TSEN54: variants seen among roughly 807,000 people sequenced by gnomAD.
TSEN54 encodes the protein tRNA-splicing endonuclease subunit Sen54.
TSEN54 carries 55 observed loss-of-function variants against 61.9 expected under a neutral mutation model. The ratio of observed to expected loss-of-function variants is 0.89; its 90% CI spans 0.72 to 1.11. The LOEUF is 1.11. Among genes scored for constraint, TSEN54 ranks in the 50% most tolerant of loss-of-function variants. The pLI is 0.00. For missense variants in TSEN54, 760 were observed against 687.7 expected (o/e 1.11, Z -1.18); for synonymous variants, 304 against 288.7 (o/e 1.05, Z -0.54).
chr17:75,523,891 G>A, intron 10 of TSEN54, 112 bp downstream of exon 10: 1 of 1,257,666 alleles, frequency 8.0e-7, no homozygotes, highest in South Asian at 1.3e-5. Flanking sequence ...GAGAGGAACA[G>A]GAGGTCCAGA....
chr17:75,516,924 G>T lies in TSEN54; in HGVS notation c.221+14G>T. On this transcript the variant is annotated intron_variant, in intron 2 of 10. Coordinates refer to ENST00000333213, the MANE Select transcript of TSEN54 (RefSeq NM_207346.3). ...CGTGGAGCGCCTGTGAGAGGGGCGG[G>T]CCCAGGGGTAAGGGAAGCGGGGGCG... The T allele has an allele frequency of 6.5e-7, 1 of 1,544,080 alleles. No homozygotes were observed. The highest frequency in any genetic ancestry group is 8.7e-7 in the Non-Finnish European group (1 of 1,146,176).
At chr17:75,517,685 C>T (rs1052960357) in intron 5 of TSEN54, 30 bp downstream of exon 5, 3 of 1,561,936 alleles carry the variant, frequency 1.9e-6, no homozygotes, top group Admixed American at 1.7e-5. Flanking sequence ...CTCCGGGAGC[C>T]ACCCATCCAC....
intron 6 of TSEN54, 127 bp from the exon 7 acceptor site, chr17:75,521,282 T>C: frequency 2.5e-6 from 2 of 805,614 alleles, no homozygotes; most frequent in South Asian, 2.9e-5. Flanking sequence ...CTTAGGGCCT[T>C]AGCACTTGGG....
Position 75,522,178 on chromosome 17 carries a change from T to G in TSEN54, c.1097T>G (p.Val366Gly), listed in dbSNP as rs1390982969. The change falls in exon 8 of 11, where the codon GTC becomes GGC. Residue 366 changes from valine (V) to glycine (G), a missense_variant. Around this residue, in one of 3 missense-constraint regions of TSEN54, gnomAD observed 667 missense variants for 577.8 expected, o/e 1.15. Transcript: ENST00000333213. ...HAEAAQFQED[V>G]NADPEVQRCS... The stretch of plus-strand genomic sequence containing the variant: ...GAGGCCGCGCAGTTCCAGGAAGATG[T>G]CAACGCCGATCCCGAGGTGCAGCGG... 2 of 1,550,064 alleles carry G rather than the reference T, an allele frequency of 1.3e-6. No homozygotes were observed. Among genetic ancestry groups the G allele is most frequent in the African/African-American group, 2.7e-5 (2 of 73,014 alleles).
At chr17:75,518,830 A>G in intron 5 of TSEN54, 165 bp from the exon 6 acceptor site, 1 of 985,270 alleles carries the variant, frequency 1.0e-6, no homozygotes. Flanking sequence ...ATCTTTAGGG[A>G]TGGTGTTCGT....
chr17:75,522,911 TG>T (rs2053443797), intron 8 of TSEN54: 1 of 335,592 alleles, frequency 3.0e-6, no homozygotes, highest in African/African-American at 2.1e-5. Flanking sequence ...CTGGACACGG[TG>T]GCTCATACCC....
intron 5 of TSEN54, among the ~76,000 whole-genome samples, chr17:75,518,006 T>G (rs1017140396): frequency 2.6e-5 from 4 of 152,166 alleles, no homozygotes; most frequent in African/African-American, 9.7e-5. Flanking sequence ...GCCAATGGAT[T>G]GGATGTCAGG....
chr17:75,523,393 AG>A, intron 9 of TSEN54, 58 bp downstream of exon 9: 1 of 1,613,068 alleles, frequency 6.2e-7, no homozygotes, highest in Non-Finnish European at 8.5e-7. Flanking sequence ...GTTGGTGGTT[AG>A]GAACTGGCTC....
Position 75,524,611 on chromosome 17 carries a change from CTG to C in TSEN54, c.*200_*201del. ...TCCCTGCTGCCTTGCAGTGACCCCT[CTG>C]GAACTCAGGACTCGATTTTAAGGAC... On this transcript the variant is annotated 3_prime_UTR_variant, in exon 11 of 11. Coordinates refer to ENST00000333213, the MANE Select transcript of TSEN54 (RefSeq NM_207346.3). The C allele has an allele frequency of 1.4e-6, 1 of 728,682 alleles. No individual in the cohort carries two copies. The highest frequency in any genetic ancestry group is 2.4e-6 in the Non-Finnish European group (1 of 415,242). The allele number at this position is 728,682 out of a possible 1,614,324, so 45.1% of individuals were successfully genotyped here. A position where few individuals can be genotyped will look rare whatever the true frequency, so the allele number is the denominator to read the frequency against.
chr17:75,516,900 G>A lies in TSEN54; in HGVS notation c.211G>A (p.Val71Met), dbSNP rs762348914. ...ELWQLLAEQR[V>M]ERLGSLVAAE... ...CTGGCAGCTGCTGGCAGAGCAGCGC[G>A]TGGAGCGCCTGTGAGAGGGGCGGGC... Residue 71 changes from valine (V) to methionine (M), a missense_variant, in exon 2 of 11, where the codon GTG becomes ATG. Val to Met is a conservative substitution (Grantham distance 21). Transcript: ENST00000333213. 4.5e-6 allele frequency: 7 copies of A among 1,547,934 alleles called. No homozygotes were observed. Among genetic ancestry groups the A allele is most frequent in the Middle Eastern group, 3.5e-4 (2 of 5,738 alleles).
At chr17:75,520,930 C>T (rs7220931) in intron 6 of TSEN54, among the ~76,000 whole-genome samples, 148,935 of 148,950 alleles carry the variant, frequency 1, 74,460 homozygotes, top group Non-Finnish European at 1. Flanking sequence ...CACTCCAGCC[C>T]GGTGAGAGAA....
chr17:75,516,622 G>C lies in TSEN54; in HGVS notation c.56+6G>C. ...CCCGCGGGGCGCGTGCTCAGGTGCG[G>C]CGCGGCCCGGCCGGAGTGGGTGTCG... On this transcript the variant is annotated splice_donor_region_variant and intron_variant, in intron 1 of 10. Transcript: ENST00000333213. 8.4e-7 allele frequency: 1 copy of C among 1,194,824 alleles called. No individual in the cohort carries two copies. The highest frequency in any genetic ancestry group is 1.0e-6 in the Non-Finnish European group (1 of 965,554). The allele number at this position is 1,194,824 out of a possible 1,614,324, so 74.0% of individuals were successfully genotyped here.
At chr17:75,518,885 G>T (rs1379770549) in intron 5 of TSEN54, 110 bp from the exon 6 acceptor site, 9 of 1,596,268 alleles carry the variant, frequency 5.6e-6, no homozygotes, top group South Asian at 1.1e-5. Context: ...AGAATCTGGG[G>T]GTGTACAGGA....
chr17:75,523,119 C>T, intron 8 of TSEN54, 156 bp from the exon 9 acceptor site: 1 of 919,170 alleles, frequency 1.1e-6, no homozygotes, highest in South Asian at 1.3e-5. Context: ...GCAGAGGTCA[C>T]AGTGAGCCAA....
At chr17:75,521,073 T>C (rs1013328009) in intron 6 of TSEN54, among the ~76,000 whole-genome samples, 4 of 152,226 alleles carry the variant, frequency 2.6e-5, no homozygotes, top group African/African-American at 9.6e-5. Flanking sequence ...AGTATGCTAG[T>C]ACAATGACAT....
At position 75,521,699 on chromosome 17, in the gene TSEN54, C is replaced by A. The variant is rs893511503; in HGVS notation, c.624-6C>A. The A allele has an allele frequency of 3.1e-6, 5 of 1,612,950 alleles. No individual in the cohort carries two copies. The African/African-American group carries it at 6.7e-5, about 22-fold the overall frequency. On this transcript the variant is annotated splice_polypyrimidine_tract_variant and splice_region_variant and intron_variant, in intron 7 of 10. Coordinates refer to ENST00000333213, the MANE Select transcript of TSEN54 (RefSeq NM_207346.3). Reference sequence around the variant, plus strand: ...AGATGTGCTGCTTTTCCCCCACGTCCCTCAGGTCCATTAATAAGAAGGCCA... The same window carrying A: ...AGATGTGCTGCTTTTCCCCCACGTCACTCAGGTCCATTAATAAGAAGGCCA...
At chr17:75,518,769 G>A in intron 5 of TSEN54, 1 of 985,416 alleles carries the variant, frequency 1.0e-6, no homozygotes, top group Non-Finnish European at 1.2e-6. Flanking sequence ...TTGGCTAAAT[G>A]TCATTTGTGC....
rs58787501 is a variant in TSEN54, at chr17:75,517,786, G to A, written c.468+131G>A. The A allele has an allele frequency of 0.12, 98,095 of 802,876 alleles. 6,508 individuals carry two copies. Among genetic ancestry groups the A allele is most frequent in the Middle Eastern group, 0.16 (507 of 3,142 alleles). 49.7% of individuals were successfully genotyped at this position (802,876 alleles called of 1,614,324 possible). ...GGGCAGACGAGGGCTATGCTGTCAC[G>A]AGGCTTACATTGTGGTGGTGGCCTG... On this transcript the variant is annotated intron_variant, in intron 5 of 10. Transcript: ENST00000333213.
Position 75,524,352 on chromosome 17 carries a change from TG to T in TSEN54, c.1523del (p.Gly508ValfsTer74). 1 of 1,614,188 alleles carries T rather than the reference TG, an allele frequency of 6.2e-7. No homozygotes were observed. The highest frequency in any genetic ancestry group is 8.5e-7 in the Non-Finnish European group (1 of 1,180,028). The stretch of plus-strand genomic sequence containing the variant: ...CTCTGATCTTTGCCCTGGTGGATCA[TG>T]GTGACATCTCCTTCTACAGCTTCAG... ...VPLIFALVDH[G>X]DISFYSFRDF... On this transcript the variant is annotated frameshift_variant, in exon 11 of 11. Coordinates refer to ENST00000333213, the MANE Select transcript of TSEN54 (RefSeq NM_207346.3). LOFTEE classifies it high-confidence loss of function.
Sources: allele counts gnomAD v4.1 joint callset (sites outside exome capture counted in the v4.1 genomes callset), GRCh38; gene constraint gnomAD v4.1.1; regional missense constraint gnomAD v4.1.1; transcripts MANE v1.5; gene names NCBI Gene and HGNC (gene_info 2026-07-23, HGNC 2026-07-21).